STK3: variants seen among roughly 807,000 people sequenced by gnomAD.
STK3 encodes the protein serine/threonine kinase 3.
In STK3, 41 loss-of-function variants were observed where a neutral mutation model predicts 58.0. The observed-to-expected ratio is 0.71, with a 90% CI of 0.55 to 0.92. STK3 has a LOEUF of 0.92. Ranked by LOEUF, STK3 falls within the 40% of genes least tolerant of loss-of-function variation. The probability of loss-of-function intolerance (pLI) is 0.00; values close to 1 mark genes in which losing one functional copy is unlikely to be tolerated. For missense variants in STK3, 479 were observed against 602.7 expected, an observed-to-expected ratio of 0.79 and a Z score of 2.15; for synonymous variants, 170 against 191.0, an observed-to-expected ratio of 0.89 and a Z score of 0.91.
At chr8:98,897,228 C>G (rs1838485772) in intron 1 of STK3, among the ~76,000 whole-genome samples, 1 of 152,116 alleles carries the variant, frequency 6.6e-6, no homozygotes, top group African/African-American at 2.4e-5. Context: ...TCACATCAGT[C>G]AACCACTATC....
chr8:98,863,631 C>CA (rs1837015361), intron 3 of STK3, among the ~76,000 whole-genome samples: 1 of 152,046 alleles, frequency 6.6e-6, no homozygotes, highest in South Asian at 2.1e-4. Flanking sequence ...AACCAGTATA[C>CA]AAAAAAATTT....
In STK3 at chr8:98,877,726, G is replaced by A. The variant is rs919625178; in HGVS notation, c.110+5921C>T. Among the ~76,000 whole-genome samples, 3 of 151,816 alleles carry A rather than the reference G, an allele frequency of 2.0e-5. No individual in the cohort carries two copies. The South Asian group carries it at 6.2e-4, about 32-fold the overall frequency. The stretch of plus-strand genomic sequence containing the variant: ...TCGAACTCCCGACCTCAGGTGATCT[G>A]CCCACCTCGGCCTCCCAAAGTGTTG... On this transcript the variant is annotated intron_variant, in intron 3 of 12. Transcript: ENST00000523601.
At chr8:98,484,135 C>CTT in intron 10 of STK3, among the ~76,000 whole-genome samples, 2 of 62,014 alleles carry the variant, frequency 3.2e-5, no homozygotes, top group African/African-American at 5.4e-5. Context: ...ACTAAGTCCA[C>CTT]TAAGTAGACT....
intron 10 of STK3, among the ~76,000 whole-genome samples, chr8:98,485,677 C>T (rs1186279500): frequency 6.6e-6 from 1 of 151,868 alleles, no homozygotes; most frequent in Non-Finnish European, 1.5e-5. Context: ...GACAATTGTA[C>T]AAGTAAAGAC....
chr8:98,530,061 A>G (rs535827084), intron 9 of STK3, among the ~76,000 whole-genome samples: 212 of 152,358 alleles, frequency 1.4e-3, no homozygotes, highest in African/African-American at 4.3e-3. Flanking sequence ...TGCAATAATG[A>G]GAATATCGCA....
intron 2 of STK3, among the ~76,000 whole-genome samples, chr8:98,770,350 T>C (rs1385767775): frequency 1.3e-5 from 2 of 152,214 alleles, no homozygotes; most frequent in African/African-American, 2.4e-5. Context: ...ACTAAAAAAG[T>C]TGCAAGATTT....
chr8:98,374,240 T>C (rs1339547132), intron 2 of STK3, among the ~76,000 whole-genome samples: 1 of 152,152 alleles, frequency 6.6e-6, no homozygotes, highest in African/African-American at 2.4e-5. Flanking sequence ...ATGGCAGAGA[T>C]GCAGGCTGTC....
At chr8:98,546,297 C>T (rs1000011098) in intron 9 of STK3, among the ~76,000 whole-genome samples, 13 of 152,116 alleles carry the variant, frequency 8.5e-5, no homozygotes, top group East Asian at 3.9e-4. Context: ...AGTATGATGT[C>T]GGAAACATCA....
At chr8:98,833,214 G>A (rs183083756) in intron 3 of STK3, among the ~76,000 whole-genome samples, 2 of 152,300 alleles carry the variant, frequency 1.3e-5, no homozygotes, top group Admixed American at 6.5e-5. Context: ...GTTGGGGGGT[G>A]CAGGGGGAGG....
chr8:98,408,669 C>T (rs188863495), intron 3 of STK3, among the ~76,000 whole-genome samples: 111 of 152,344 alleles, frequency 7.3e-4, no homozygotes, highest in African/African-American at 2.6e-3. Context: ...GACACATCCT[C>T]CTTAAAATGT....
At chr8:98,629,563 AT>A (rs1587084199) in intron 6 of STK3, among the ~76,000 whole-genome samples, 1 of 152,166 alleles carries the variant, frequency 6.6e-6, no homozygotes, top group East Asian at 1.9e-4. Flanking sequence ...GTGGCTACTG[AT>A]TCGAAAATAA....
At chr8:98,704,448 T>C (rs995968670) in intron 6 of STK3, among the ~76,000 whole-genome samples, 1 of 152,052 alleles carries the variant, frequency 6.6e-6, no homozygotes, top group Non-Finnish European at 1.5e-5. Context: ...GTGAAGAAAT[T>C]GCCTATATAC....
chr8:98,476,467 T>C (rs1310922342), intron 10 of STK3, among the ~76,000 whole-genome samples: 1 of 152,072 alleles, frequency 6.6e-6, no homozygotes, highest in African/African-American at 2.4e-5. Context: ...TATGGGTAAA[T>C]GTTCTGGCTC....
intron 10 of STK3, among the ~76,000 whole-genome samples, chr8:98,478,365 G>T (rs961602068): frequency 7.2e-5 from 11 of 152,126 alleles, no homozygotes; most frequent in Non-Finnish European, 1.5e-4. Flanking sequence ...GTAGAGAAGG[G>T]TTTCCCCTAC....
intron 3 of STK3, among the ~76,000 whole-genome samples, chr8:98,751,130 ACC>A (rs1829949694): frequency 6.6e-6 from 1 of 152,114 alleles, no homozygotes; most frequent in Non-Finnish European, 1.5e-5. Context: ...TATATGAAAA[ACC>A]CACAGCCAAC....
intron 1 of STK3, among the ~76,000 whole-genome samples, chr8:98,885,501 G>A (rs1837951697): frequency 1.3e-5 from 2 of 152,138 alleles, no homozygotes; most frequent in South Asian, 4.1e-4. Flanking sequence ...GTGCAATGGC[G>A]CGATCTCGGC....
At chr8:98,423,623 G>T (rs1344598388) in intron 3 of STK3, among the ~76,000 whole-genome samples, 2 of 152,238 alleles carry the variant, frequency 1.3e-5, no homozygotes, top group African/African-American at 4.8e-5. Context: ...TGGGGAGCAG[G>T]ATGGACACAG....
intron 3 of STK3, among the ~76,000 whole-genome samples, chr8:98,425,109 C>A (rs1362026111): frequency 6.6e-6 from 1 of 152,210 alleles, no homozygotes. Context: ...GAAGCACACA[C>A]CCCCTCAGCA....
chr8:98,748,073 G>A (rs1199970639), intron 4 of STK3, among the ~76,000 whole-genome samples: 1 of 152,104 alleles, frequency 6.6e-6, no homozygotes, highest in Non-Finnish European at 1.5e-5. Flanking sequence ...ACTCAAAATT[G>A]TAACATTAAC....
Sources: gnomAD v4.1 joint callset for allele counts (sites outside exome capture counted in the v4.1 genomes callset) on GRCh38, gnomAD v4.1.1 for gene constraint, MANE v1.5 for transcripts, NCBI Gene and HGNC (gene_info 2026-07-23, HGNC 2026-07-21) for gene names.